USH2A: variants seen among roughly 807,000 people sequenced by gnomAD.
The protein encoded by USH2A is Usher syndrome 2A (autosomal recessive, mild).
USH2A carries 443 observed loss-of-function variants against 538.9 expected under a neutral mutation model. That is an observed-to-expected ratio of 0.82 (90% CI 0.76 to 0.89). The LOEUF is 0.89. Ranked by LOEUF, USH2A falls within the 40% of genes least tolerant of loss-of-function variation. The pLI is 0.00. For synonymous variants in USH2A, 2,413 were observed against 2,273.5 expected (o/e 1.06, Z -1.75); for missense variants, 6,633 against 6,324.8 (o/e 1.05, Z -1.65).
intron 49 of USH2A, among the ~76,000 whole-genome samples, chr1:215,805,235 GTAAC>G (rs1350185188): frequency 6.6e-6 from 1 of 151,904 alleles, no homozygotes; most frequent in African/African-American, 2.4e-5. Context: ...GTATATATAT[GTAAC>G]TAACCTGCAC....
Position 215,799,023 on chromosome 1 carries a change from C to A in USH2A, c.9842G>T (p.Cys3281Phe), listed in dbSNP as rs727504654. 8.7e-6 allele frequency: 14 copies of A among 1,613,984 alleles called. No homozygotes were observed. Among genetic ancestry groups the A allele is most frequent in the Non-Finnish European group, 1.2e-5 (14 of 1,180,018 alleles). ...GCCATCATGAAGCCTCCCAGCACAG[C>A]AAATCTGGTTTCCTGAGGTGGAGTA... is the stretch of plus-strand genomic sequence containing the variant. Reference protein sequence around the residue: ...MPYSTSGNQICCAGRLHDGHG... With the variant: ...MPYSTSGNQIFCAGRLHDGHG... The change falls in exon 50 of 72, where the codon TGC becomes TTC. Residue 3281 changes from cysteine (C) to phenylalanine (F), a missense_variant. Coordinates refer to ENST00000307340, the MANE Select transcript of USH2A (RefSeq NM_206933.4).
chr1:216,197,821 C>T (rs2034885265), intron 18 of USH2A, among the ~76,000 whole-genome samples: 1 of 152,110 alleles, frequency 6.6e-6, no homozygotes, highest in Admixed American at 6.6e-5. Flanking sequence ...CTTACAAGCA[C>T]ACTTGTGAAT....
intron 29 of USH2A, among the ~76,000 whole-genome samples, chr1:216,070,498 A>G (rs1197739324): frequency 6.6e-6 from 1 of 151,940 alleles, no homozygotes; most frequent in Non-Finnish European, 1.5e-5. Flanking sequence ...AACCATCAAA[A>G]CTCCATCGAC....
chr1:215,848,291 G>A (rs1279884269), intron 44 of USH2A, among the ~76,000 whole-genome samples: 1 of 152,096 alleles, frequency 6.6e-6, no homozygotes, highest in Non-Finnish European at 1.5e-5. Context: ...ATTTTAGTTT[G>A]TTAAGTGAGC....
intron 30 of USH2A, among the ~76,000 whole-genome samples, chr1:216,065,770 A>G (rs1045090274): frequency 1.3e-5 from 2 of 151,996 alleles, no homozygotes; most frequent in African/African-American, 4.8e-5. Flanking sequence ...GGTGATGCAC[A>G]CCTGAAATCC....
intron 43 of USH2A, 66 bp from the exon 44 acceptor site, chr1:215,867,236 TTC>T: frequency 6.5e-7 from 1 of 1,528,352 alleles, no homozygotes; most frequent in Non-Finnish European, 8.9e-7. Flanking sequence ...AACAAATAAT[TTC>T]TTTTTTTCTT....
intron 59 of USH2A, among the ~76,000 whole-genome samples, chr1:215,742,787 T>G (rs1660342109): frequency 6.6e-6 from 1 of 152,204 alleles, no homozygotes; most frequent in Non-Finnish European, 1.5e-5. Flanking sequence ...AACTCTTAAA[T>G]AACTTCTCAC....
intron 38 of USH2A, among the ~76,000 whole-genome samples, chr1:215,902,316 T>A (rs911495787): frequency 1.3e-5 from 2 of 152,198 alleles, no homozygotes; most frequent in Admixed American, 6.6e-5. Context: ...GGCTAATGAA[T>A]GACCAGTGAT....
intron 44 of USH2A, among the ~76,000 whole-genome samples, chr1:215,853,231 G>T (rs1664066781): frequency 6.6e-6 from 1 of 152,200 alleles, no homozygotes; most frequent in Non-Finnish European, 1.5e-5. Flanking sequence ...TGTGGAAGCT[G>T]CCAGGTCTTG....
intron 1 of USH2A, among the ~76,000 whole-genome samples, chr1:216,422,991 A>G (rs1031892124): frequency 6.6e-6 from 1 of 152,108 alleles, no homozygotes; most frequent in African/African-American, 2.4e-5. Context: ...GATGCCCAAA[A>G]TAAAGCTGGC....
At chr1:215,985,551 ATTTC>A (rs1667852242) in intron 35 of USH2A, among the ~76,000 whole-genome samples, 1 of 152,156 alleles carries the variant, frequency 6.6e-6, no homozygotes, top group African/African-American at 2.4e-5. Flanking sequence ...AACAATACCT[ATTTC>A]ATGGGCTAGT....
At chr1:216,012,600 T>G (rs1668602663) in intron 32 of USH2A, among the ~76,000 whole-genome samples, 1 of 152,156 alleles carries the variant, frequency 6.6e-6, no homozygotes, top group Middle Eastern at 3.4e-3. Context: ...AGCCAAGCAG[T>G]TTTTCAGGCT....
chr1:215,731,933 TG>T (rs992239720), intron 60 of USH2A, among the ~76,000 whole-genome samples: 1 of 152,190 alleles, frequency 6.6e-6, no homozygotes, highest in African/African-American at 2.4e-5. Context: ...TGGGTGAACT[TG>T]CCTGTCTGTG....
chr1:216,272,714 A>T (rs1426878998), intron 11 of USH2A, among the ~76,000 whole-genome samples: 1 of 152,110 alleles, frequency 6.6e-6, no homozygotes, highest in Non-Finnish European at 1.5e-5. Flanking sequence ...CAGAGGAAAA[A>T]TTATGTTTGT....
At chr1:215,823,203 T>C (rs1663061789) in intron 47 of USH2A, among the ~76,000 whole-genome samples, 1 of 152,128 alleles carries the variant, frequency 6.6e-6, no homozygotes, top group Non-Finnish European at 1.5e-5. Flanking sequence ...GAACTCTCTT[T>C]AGTATTTCTT....
chr1:216,374,191 C>G lies in USH2A; in HGVS notation c.652-9106G>C, dbSNP rs181316310. Reference sequence around the variant, plus strand: ...ATGGGTGCAGCACACCAACATGGCACGTGTATACATATGTAACAAGCCTGC... The same window carrying G: ...ATGGGTGCAGCACACCAACATGGCAGGTGTATACATATGTAACAAGCCTGC... On this transcript the variant is annotated intron_variant, in intron 3 of 71. Transcript: ENST00000307340. Among the ~76,000 whole-genome samples, 873 of 151,166 alleles carry G rather than the reference C, an allele frequency of 5.8e-3. 11 individuals are homozygous for G. Among genetic ancestry groups the G allele is most frequent in the African/African-American group, 0.02 (840 of 41,150 alleles).
chr1:215,878,882 C>T lies in USH2A; in HGVS notation c.8440G>A (p.Val2814Ile), dbSNP rs749817310. ...GGCTESLPTY[V>I]TTHPTVPQNV... The stretch of plus-strand genomic sequence containing the variant: ...TGAGGTACGGTGGGGTGAGTGGTAA[C>T]ATAGGTAGGTAAACTCTCTGTGCAC... Residue 2814 changes from valine (V) to isoleucine (I), a missense_variant, in exon 42 of 72, where the codon GTT (valine) becomes ATT (isoleucine). Val to Ile is a conservative substitution (Grantham distance 29). Transcript: ENST00000307340. The T allele has an allele frequency of 1.9e-6, 3 of 1,613,982 alleles. No homozygotes were observed. Among genetic ancestry groups the T allele is most frequent in the African/African-American group, 1.3e-5 (1 of 74,984 alleles).
At chr1:216,330,884 T>C (rs1236109397) in intron 4 of USH2A, among the ~76,000 whole-genome samples, 1 of 152,072 alleles carries the variant, frequency 6.6e-6, no homozygotes, top group African/African-American at 2.4e-5. Flanking sequence ...GAGGTGTACC[T>C]TTCAATGCTG....
intron 21 of USH2A, among the ~76,000 whole-genome samples, chr1:216,169,658 T>A (rs2102635860): frequency 6.6e-6 from 1 of 152,314 alleles, no homozygotes; most frequent in South Asian, 2.1e-4. Context: ...CCAAACTGAT[T>A]AACTCAACCA....
Sources: gnomAD v4.1 joint callset for allele counts (sites outside exome capture counted in the v4.1 genomes callset) on GRCh38, gnomAD v4.1.1 for gene constraint, MANE v1.5 for transcripts, NCBI Gene and HGNC (gene_info 2026-07-23, HGNC 2026-07-21) for gene names.